TNFRSF1B: variants seen among roughly 807,000 people sequenced by gnomAD.
TNFRSF1B encodes the protein tumor necrosis factor receptor superfamily member 1B.
TNFRSF1B carries 19 observed loss-of-function variants against 44.6 expected under a neutral mutation model. That is an observed-to-expected ratio of 0.43 (90% CI 0.30 to 0.62). The LOEUF is 0.62. Ranked by LOEUF, TNFRSF1B falls within the 20% of genes least tolerant of loss-of-function variation. The pLI is 0.16. For synonymous variants in TNFRSF1B, 252 were observed against 261.1 expected (o/e 0.97, Z 0.34); for missense variants, 541 against 619.9 (o/e 0.87, Z 1.35).
intron 8 of TNFRSF1B, among the ~76,000 whole-genome samples, chr1:12,196,216 G>A (rs1349620413): frequency 2.0e-5 from 3 of 152,108 alleles, no homozygotes; most frequent in Admixed American, 6.5e-5. Context: ...CAGGAGAGTC[G>A]CTTGAACCCG....
intron 8 of TNFRSF1B, among the ~76,000 whole-genome samples, chr1:12,195,110 A>G (rs1054544720): frequency 1.1e-4 from 16 of 152,332 alleles, no homozygotes; most frequent in African/African-American, 3.8e-4. Context: ...GGAAGTGGTC[A>G]TCTCTCAGGT....
intron 8 of TNFRSF1B, among the ~76,000 whole-genome samples, chr1:12,196,478 A>C (rs1470908105): frequency 6.6e-6 from 1 of 152,136 alleles, no homozygotes; most frequent in East Asian, 1.9e-4. Flanking sequence ...GGAGGGCAAA[A>C]TCACCCCTAG....
chr1:12,193,832 G>A (rs886267786), intron 6 of TNFRSF1B, 123 bp from the exon 7 acceptor site: 17 of 715,320 alleles, frequency 2.4e-5, no homozygotes, highest in Admixed American at 4.6e-5. Context: ...GAGAATCTCC[G>A]GCCTAGACTC....
intron 1 of TNFRSF1B, among the ~76,000 whole-genome samples, chr1:12,175,714 C>T (rs536199594): frequency 6.6e-6 from 1 of 152,276 alleles, no homozygotes; most frequent in African/African-American, 2.4e-5. Flanking sequence ...GACATCACCC[C>T]TCCCACCCCT....
At chr1:12,194,085 G>C (rs1344256444) in intron 7 of TNFRSF1B, 53 bp downstream of exon 7, 1 of 1,491,524 alleles carries the variant, frequency 6.7e-7, no homozygotes, top group Non-Finnish European at 9.4e-7. Context: ...GCTTTTGTGG[G>C]GTGCCTCCTG....
chr1:12,174,309 G>A (rs1008208290), intron 1 of TNFRSF1B, among the ~76,000 whole-genome samples: 32 of 150,264 alleles, frequency 2.1e-4, no homozygotes, highest in African/African-American at 7.3e-4. Flanking sequence ...GTGCAGTGGC[G>A]TGATCTTGGC....
At chr1:12,203,013 G>C (rs1557640886) in intron 9 of TNFRSF1B, among the ~76,000 whole-genome samples, 1 of 152,244 alleles carries the variant, frequency 6.6e-6, no homozygotes, top group Non-Finnish European at 1.5e-5. Flanking sequence ...CCCTGGACCT[G>C]GTCTATGACA....
At chr1:12,173,950 G>A (rs773776798) in intron 1 of TNFRSF1B, among the ~76,000 whole-genome samples, 4 of 152,214 alleles carry the variant, frequency 2.6e-5, no homozygotes, top group Admixed American at 1.3e-4. Flanking sequence ...TTCGCTGATG[G>A]GGGGTTGGAA....
intron 1 of TNFRSF1B, among the ~76,000 whole-genome samples, chr1:12,172,239 C>T (rs1405701494): frequency 6.6e-6 from 1 of 152,176 alleles, no homozygotes; most frequent in East Asian, 1.9e-4. Context: ...CTCGTCTGGC[C>T]ACAGGGAAGC....
rs1355478823 is a variant in TNFRSF1B, at chr1:12,171,425, C to T, written c.78+4256C>T. Among the ~76,000 whole-genome samples, 2 of 152,210 alleles carry T rather than the reference C, an allele frequency of 1.3e-5. No individual in the cohort carries two copies. The highest frequency in any genetic ancestry group is 2.1e-4 in the South Asian group (1 of 4,828). On this transcript the variant is annotated intron_variant, in intron 1 of 9. Transcript: ENST00000376259. This position sits in a 1 kb window ranked among gnomAD's most constrained non-coding sequence, Gnocchi z 4.5. ...TCACCTCCAATACTCCTCCTGCTGA[C>T]GTCTCTTGGTCTCCTTCCCTCGCTT...
intron 8 of TNFRSF1B, among the ~76,000 whole-genome samples, chr1:12,195,619 C>G (rs936647529): frequency 6.6e-6 from 1 of 152,134 alleles, no homozygotes; most frequent in Non-Finnish European, 1.5e-5. Context: ...ACTGACCAGA[C>G]AGTGTCACAT....
chr1:12,188,743 G>A, intron 1 of TNFRSF1B, 53 bp from the exon 2 acceptor site: 1 of 1,555,158 alleles, frequency 6.4e-7, no homozygotes, highest in Non-Finnish European at 8.8e-7. Context: ...CATCAGGCAT[G>A]GCAGAACCCA....
chr1:12,193,440 G>T (rs1331276365), intron 6 of TNFRSF1B, among the ~76,000 whole-genome samples: 8 of 152,196 alleles, frequency 5.3e-5, no homozygotes, highest in Non-Finnish European at 4.4e-5. Context: ...ATTTGGGTGG[G>T]ATGGTGCCTA....
rs895603312 is a variant in TNFRSF1B, at chr1:12,178,238, C to T, written c.79-10558C>T. ...AAAACTTTGCTTCTGTTGAGCAATT[C>T]GGCATCGATGAGACGCCAGCTGTGG... On this transcript the variant is annotated intron_variant, in intron 1 of 9. Transcript: ENST00000376259. This position sits in a 1 kb window ranked among gnomAD's most constrained non-coding sequence, Gnocchi z 4.3. Among the ~76,000 whole-genome samples, 10 of 152,334 alleles carry T rather than the reference C, an allele frequency of 6.6e-5. No individual in the cohort carries two copies. The highest frequency in any genetic ancestry group is 2.2e-4 in the African/African-American group (9 of 41,572).
intron 2 of TNFRSF1B, among the ~76,000 whole-genome samples, chr1:12,189,679 G>A (rs1025586713): frequency 1.3e-5 from 2 of 152,212 alleles, no homozygotes; most frequent in African/African-American, 2.4e-5. Context: ...GCATTTTAAC[G>A]GTGGATGCAG....
Position 12,207,089 on chromosome 1 carries a change from C to T in TNFRSF1B, c.*69C>T, listed in dbSNP as rs1248180033. 5 of 1,479,300 alleles carry T rather than the reference C, an allele frequency of 3.4e-6. No homozygotes were observed. The highest frequency in any genetic ancestry group is 3.6e-6 in the Non-Finnish European group (4 of 1,108,508). 91.6% of individuals were successfully genotyped at this position (1,479,300 alleles called of 1,614,324 possible). A position where few individuals can be genotyped will look rare whatever the true frequency, so the allele number is the denominator to read the frequency against. On this transcript the variant is annotated 3_prime_UTR_variant, in exon 10 of 10. Transcript: ENST00000376259. Reference sequence around the variant, plus strand: ...CTGGCAGGATGACCCTGCGAAGGGGCCCTGGTCCTTCCAGGCCCCCACCAC... The same window carrying T: ...CTGGCAGGATGACCCTGCGAAGGGGTCCTGGTCCTTCCAGGCCCCCACCAC...
chr1:12,191,106 AG>A (rs760239947), intron 3 of TNFRSF1B, 21 bp downstream of exon 3: 1 of 1,609,156 alleles, frequency 6.2e-7, no homozygotes, highest in Non-Finnish European at 8.5e-7. Context: ...TCAGAGAAAA[AG>A]GGGGCCCTTA....
chr1:12,175,130 C>T lies in TNFRSF1B; in HGVS notation c.78+7961C>T, dbSNP rs948430173. The stretch of plus-strand genomic sequence containing the variant: ...GACAGGGAGGGGGGAGGACATCTTC[C>T]GAGCTGTCAGCGGGAGGCCTTCTTG... On this transcript the variant is annotated intron_variant, in intron 1 of 9. Transcript: ENST00000376259. Among the ~76,000 whole-genome samples the T allele has an allele frequency of 5.9e-5, 9 of 152,124 alleles. No individual in the cohort carries two copies. In the East Asian group the frequency reaches 7.7e-4, roughly 13 times the overall value.
chr1:12,167,019 C>T lies in TNFRSF1B; in HGVS notation c.-73C>T. 4.5e-6 allele frequency: 5 copies of T among 1,107,668 alleles called. No homozygotes were observed. The highest frequency in any genetic ancestry group is 5.8e-6 in the Non-Finnish European group (5 of 867,162). 68.6% of individuals were successfully genotyped at this position (1,107,668 alleles called of 1,614,324 possible). A position where few individuals can be genotyped will look rare whatever the true frequency, so the allele number is the denominator to read the frequency against. ...CGAGGGCTAGCGAGCGCAGCGGAGC[C>T]TGGAGAGAAGGCGCTGGGCTGCGAG... On this transcript the variant is annotated 5_prime_UTR_variant, in exon 1 of 10. Transcript: ENST00000376259.
Sources: allele counts gnomAD v4.1 joint callset (sites outside exome capture counted in the v4.1 genomes callset), GRCh38; gene constraint gnomAD v4.1.1; non-coding constraint Gnocchi (gnomAD v3.1); transcripts MANE v1.5; gene names NCBI Gene and HGNC (gene_info 2026-07-23, HGNC 2026-07-21).